Variants in PCDHA6 observed in about 807,000 individuals in gnomAD.
The protein encoded by PCDHA6 is protocadherin alpha 6.
A neutral mutation model predicts 60.3 loss-of-function variants in PCDHA6; 55 were observed. The observed-to-expected ratio is 0.91, with a 90% confidence interval of 0.73 to 1.14. The LOEUF (loss-of-function observed/expected upper bound fraction) is 1.14. Ranked by LOEUF, PCDHA6 falls within the 50% of genes most tolerant of loss-of-function variation. PCDHA6 has a pLI of 0.00. For synonymous variants in PCDHA6, 652 were observed against 557.9 expected, an observed-to-expected ratio of 1.17 and a Z score of -2.38; for missense variants, 1,327 against 1,256.5, an observed-to-expected ratio of 1.06 and a Z score of -0.85.
At chr5:140,880,231 A>G (rs2058275588) in intron 1 of PCDHA6, among the ~76,000 whole-genome samples, 1 of 152,266 alleles carries the variant, frequency 6.6e-6, no homozygotes, top group South Asian at 2.1e-4. Context: ...CATTTAAATT[A>G]GTGTATGTGC....
rs11350929 is a variant in PCDHA6, at chr5:140,972,660, ATTT to A, written c.2395-6269_2395-6267del. Among the ~76,000 whole-genome samples, 687 of 117,242 alleles carry A rather than the reference ATTT, an allele frequency of 5.9e-3. 9 individuals carry two copies. Among genetic ancestry groups the A allele is most frequent in the African/African-American group, 0.021 (630 of 30,162 alleles). 76.9% of individuals were successfully genotyped at this position (117,242 alleles called of 152,430 possible). A position where few individuals can be genotyped will look rare whatever the true frequency, so the allele number is the denominator to read the frequency against. On this transcript the variant is annotated intron_variant, in intron 1 of 3. Coordinates refer to ENST00000529310, the MANE Select transcript of PCDHA6 (RefSeq NM_018909.4). ...CAGAGTCTCCATAAAAAGAAACCAAATTTTTTTTTTTTTTTTTTTTTTGAGATG... is the reference window on the plus strand; with the variant it reads ...CAGAGTCTCCATAAAAAGAAACCAAATTTTTTTTTTTTTTTTTTTGAGATG...
rs193096250 is a variant in PCDHA6 at position 140,998,611 on chromosome 5, C to A, written c.2543-11016C>A. Among the ~76,000 whole-genome samples, 28 of 151,482 alleles carry A rather than the reference C, an allele frequency of 1.8e-4. No individual in the cohort carries two copies. The East Asian group carries it at 5.2e-3, about 28-fold the overall frequency. ...CAGAGTTTTGCTCTTGTTGCCCAGG[C>A]TGGAGTGCAATGGCACAATCTCAGC... On this transcript the variant is annotated intron_variant, in intron 3 of 3. Transcript: ENST00000529310.
At chr5:140,966,764 G>T in intron 1 of PCDHA6, 1 of 1,475,264 alleles carries the variant, frequency 6.8e-7, no homozygotes, top group Non-Finnish European at 9.0e-7. Context: ...GCGGCCAGTG[G>T]CTATGGAGCA....
At chr5:140,927,701 A>G (rs2084527211) in intron 1 of PCDHA6, 1 of 1,614,052 alleles carries the variant, frequency 6.2e-7, no homozygotes, top group South Asian at 1.1e-5. Context: ...GAAGTCCAGT[A>G]CTCCCTAAGC....
chr5:140,836,527 T>A (rs781797304), intron 1 of PCDHA6: 1 of 1,613,732 alleles, frequency 6.2e-7, no homozygotes, highest in African/African-American at 1.3e-5. Flanking sequence ...GTGCTTACCC[T>A]GCTGCTGTAC....
Position 140,845,550 on chromosome 5 carries a change from G to A in PCDHA6, c.2394+15065G>A, listed in dbSNP as rs185907796. Among the ~76,000 whole-genome samples, 15 of 149,478 alleles carry A rather than the reference G, an allele frequency of 1.0e-4. 1 individual carries two copies. Among genetic ancestry groups the A allele is most frequent in the Non-Finnish European group, 1.3e-4 (9 of 66,770 alleles). On this transcript the variant is annotated intron_variant, in intron 1 of 3. Coordinates refer to ENST00000529310, the MANE Select transcript of PCDHA6 (RefSeq NM_018909.4). ...TTTTCACTATTCTAATTATGGTGAT[G>A]CTTTTAGCTATTAAGAATTTCTGGG...
intron 1 of PCDHA6, among the ~76,000 whole-genome samples, chr5:140,952,990 G>T (rs1218296143): frequency 6.6e-6 from 1 of 152,042 alleles, no homozygotes; most frequent in Non-Finnish European, 1.5e-5. Context: ...GATCTCATGA[G>T]AACTCTCTCA....
intron 1 of PCDHA6, chr5:140,884,155 C>G: frequency 6.2e-7 from 1 of 1,613,430 alleles, no homozygotes; most frequent in Non-Finnish European, 8.5e-7. Context: ...TGTACACTGG[C>G]GAGATCAGCA....
intron 1 of PCDHA6, among the ~76,000 whole-genome samples, chr5:140,901,369 C>G (rs1366309820): frequency 1.3e-5 from 2 of 152,120 alleles, no homozygotes; most frequent in African/African-American, 2.4e-5. Flanking sequence ...GTCTTTAATC[C>G]ATTTTAATTC....
At chr5:140,902,702 C>T (rs78828243) in intron 1 of PCDHA6, among the ~76,000 whole-genome samples, 7,835 of 152,116 alleles carry the variant, frequency 0.052, 268 homozygotes, top group Admixed American at 0.075. Flanking sequence ...AGTCTTTTAT[C>T]TTTCACTCCC....
At chr5:140,961,876 T>G (rs929753490) in intron 1 of PCDHA6, among the ~76,000 whole-genome samples, 1 of 151,746 alleles carries the variant, frequency 6.6e-6, no homozygotes, top group South Asian at 2.1e-4. Context: ...ATAATTGACT[T>G]ACTTACATCA....
chr5:140,956,979 A>C (rs2153711830), intron 1 of PCDHA6, among the ~76,000 whole-genome samples: 1 of 152,346 alleles, frequency 6.6e-6, no homozygotes, highest in South Asian at 2.1e-4. Context: ...AATTTAAGTA[A>C]AATAAATTCA....
chr5:140,843,097 G>A lies in PCDHA6; in HGVS notation c.2394+12612G>A, dbSNP rs2150352521. 1.9e-6 allele frequency: 3 copies of A among 1,595,590 alleles called. 1 individual carries two copies. The highest frequency in any genetic ancestry group is 1.1e-5 in the South Asian group (1 of 90,512). On this transcript the variant is annotated intron_variant, in intron 1 of 3. Transcript: ENST00000529310. ...CTGTGGGCGCGGGCCACGTGGTAGCGAAGGTGCGCGCAGTGGACGCCGACT... is the reference window on the plus strand; with the variant it reads ...CTGTGGGCGCGGGCCACGTGGTAGCAAAGGTGCGCGCAGTGGACGCCGACT...
intron 3 of PCDHA6, among the ~76,000 whole-genome samples, chr5:140,999,034 T>A (rs953509791): frequency 6.6e-6 from 1 of 152,210 alleles, no homozygotes; most frequent in East Asian, 1.9e-4. Flanking sequence ...TGATACTTCG[T>A]CCAGTGTGCT....
At chr5:140,844,210 G>A (rs2150369516) in intron 1 of PCDHA6, among the ~76,000 whole-genome samples, 22 of 149,554 alleles carry the variant, frequency 1.5e-4, no homozygotes, top group African/African-American at 5.4e-4. Context: ...GTGTCTGGTA[G>A]TCACAAATAT....
rs2150173408 is a variant in PCDHA6, at chr5:140,829,722, C to A, written c.1631C>A (p.Pro544His). ...AGCGCGCGCGACGCGGGCGTGCCGCCTCTGGGCAGCAACGTGACGCTGCAG... is the reference window on the plus strand; with the variant it reads ...AGCGCGCGCGACGCGGGCGTGCCGCATCTGGGCAGCAACGTGACGCTGCAG... ...QVSARDAGVPPLGSNVTLQVF... is the reference protein window; with the variant it reads ...QVSARDAGVPHLGSNVTLQVF... Residue 544 changes from proline (P) to histidine (H), a missense_variant, in exon 1 of 4, where the codon CCT (proline) becomes CAT (histidine). Pro to His is a moderately conservative substitution (Grantham distance 77). Transcript: ENST00000529310. 4 of 1,613,622 alleles carry A rather than the reference C, an allele frequency of 2.5e-6. No homozygotes were observed. The highest frequency in any genetic ancestry group is 2.5e-6 in the Non-Finnish European group (3 of 1,179,876).
intron 1 of PCDHA6, chr5:140,857,528 G>A: frequency 6.3e-7 from 1 of 1,597,766 alleles, no homozygotes; most frequent in Non-Finnish European, 8.6e-7. Flanking sequence ...CTACTCTCTG[G>A]TGGAGCGGCG....
intron 1 of PCDHA6, chr5:140,834,211 G>A (rs2150214176): frequency 0.54 from 341,638 of 630,816 alleles, 94,315 homozygotes; most frequent in African/African-American, 0.73. Flanking sequence ...AAATTCTTTC[G>A]TAATCAGCAA....
intron 1 of PCDHA6, chr5:140,868,979 C>A: frequency 6.7e-7 from 1 of 1,485,290 alleles, no homozygotes; most frequent in Non-Finnish European, 9.0e-7. Context: ...TCCATCATAC[C>A]GGATGCCACC....
Sources: gnomAD v4.1 joint callset for allele counts (sites outside exome capture counted in the v4.1 genomes callset) on GRCh38, gnomAD v4.1.1 for gene constraint, MANE v1.5 for transcripts, NCBI Gene and HGNC (gene_info 2026-07-23, HGNC 2026-07-21) for gene names.